COMT: variants seen among roughly 807,000 people sequenced by gnomAD.
COMT encodes catechol-O-methyltransferase.
COMT carries 13 observed loss-of-function variants against 18.9 expected under a neutral mutation model. The ratio of observed to expected loss-of-function variants is 0.69; its 90% confidence interval spans 0.45 to 1.09. The LOEUF (loss-of-function observed/expected upper bound fraction) is 1.09. COMT is among the 50% of genes least tolerant of loss of function. The pLI is 0.00. For synonymous variants in COMT, 150 were observed against 160.9 expected, an observed-to-expected ratio of 0.93 and a Z score of 0.51; for missense variants, 329 against 361.8, an observed-to-expected ratio of 0.91 and a Z score of 0.73.
chr22:19,942,065 T>G, intron 1 of COMT, 168 bp downstream of exon 1: 4 of 373,190 alleles, frequency 1.1e-5, no homozygotes, highest in East Asian at 9.4e-5. Flanking sequence ...GGATGGGAAC[T>G]GGGGAATTCG....
chr22:19,966,302 A>G (rs952515622), intron 5 of COMT, among the ~76,000 whole-genome samples: 2 of 152,006 alleles, frequency 1.3e-5, no homozygotes, highest in Non-Finnish European at 2.9e-5. Flanking sequence ...TGAGCATCGG[A>G]GGCACGAGGG....
At chr22:19,956,372 T>TA (rs1569129522) in intron 1 of COMT, among the ~76,000 whole-genome samples, 4 of 62,612 alleles carry the variant, frequency 6.4e-5, no homozygotes, top group Non-Finnish European at 1.4e-4. Flanking sequence ...TGAGCTCTCT[T>TA]TTTTTTTTTT....
Position 19,969,562 on chromosome 22 carries a change from G to A in COMT, c.*826G>A, listed in dbSNP as rs368317277. 2.0e-5 allele frequency: 3 copies of A among 152,586 alleles called. No individual in the cohort carries two copies. Among genetic ancestry groups the A allele is most frequent in the African/African-American group, 7.2e-5 (3 of 41,532 alleles). 9.5% of individuals were successfully genotyped at this position (152,586 alleles called of 1,614,324 possible). ...GGGTCAGACTGCTAGCCACCTCAGAGGCTCCAAGGGCCCAGTTCCCAGGCC... is the reference window on the plus strand; with the variant it reads ...GGGTCAGACTGCTAGCCACCTCAGAAGCTCCAAGGGCCCAGTTCCCAGGCC... On this transcript the variant is annotated 3_prime_UTR_variant, in exon 6 of 6. Coordinates refer to ENST00000361682, the MANE Select transcript of COMT (RefSeq NM_000754.4).
intron 3 of COMT, chr22:19,963,327 C>A: frequency 3.3e-6 from 2 of 605,152 alleles, no homozygotes; most frequent in East Asian, 2.8e-5. Context: ...AGCATAGAGG[C>A]TAAGGGACCA....
At position 19,964,157 on chromosome 22, in the gene COMT, C is replaced by T. The variant is rs752902717; in HGVS notation, c.484-11C>T. The T allele has an allele frequency of 2.5e-6, 4 of 1,614,042 alleles. No homozygotes were observed. The highest frequency in any genetic ancestry group is 2.2e-5 in the East Asian group (1 of 44,880). On this transcript the variant is annotated splice_polypyrimidine_tract_variant and intron_variant, in intron 4 of 5. Coordinates refer to ENST00000361682, the MANE Select transcript of COMT (RefSeq NM_000754.4). ...CTGTGAGGACGTGGGCACTGACAGG[C>T]GCTGTTCCAGGTCACCCTTGTGGTT...
At position 19,964,648 on chromosome 22, in the gene COMT, C is replaced by G. The variant is rs572487155; in HGVS notation, c.615+349C>G. 5.1e-6 allele frequency: 3 copies of G among 589,236 alleles called. No individual in the cohort carries two copies. The African/African-American group carries it at 5.6e-5, about 11-fold the overall frequency. The allele number at this position is 589,236 out of a possible 1,614,324, so 36.5% of individuals were successfully genotyped here. ...GGAGATGGGGTGGGGAAGGGCCGCT[C>G]TGGGCCCAGCCTGCTCTCCCCCAAG... On this transcript the variant is annotated intron_variant, in intron 5 of 5. Coordinates refer to ENST00000361682, the MANE Select transcript of COMT (RefSeq NM_000754.4).
intron 1 of COMT, among the ~76,000 whole-genome samples, chr22:19,952,196 A>G (rs769581416): frequency 1.7e-4 from 26 of 152,214 alleles, no homozygotes; most frequent in Non-Finnish European, 3.4e-4. Flanking sequence ...AGTCCCAGTT[A>G]CTCAGGAGGC....
chr22:19,968,697 G>A lies in COMT; in HGVS notation c.777G>A (p.Lys259=). ...EYREVVDGLE[K]AIYKGPGSEA... is the part of the protein sequence containing the mutation. ...GGGAGGTGGTGGACGGCCTGGAGAA[G>A]GCCATCTACAAGGGCCCAGGCAGCG... Residue 259 remains lysine (K), a synonymous_variant, in exon 6 of 6, where the codon AAG becomes AAA. Transcript: ENST00000361682. 1 of 1,613,586 alleles carries A rather than the reference G, an allele frequency of 6.2e-7. No homozygotes were observed. Among genetic ancestry groups the A allele is most frequent in the Non-Finnish European group, 8.5e-7 (1 of 1,179,994 alleles).
chr22:19,963,545 TC>T lies in COMT; in HGVS notation c.290-19del, dbSNP rs1380932174. 1 of 1,609,682 alleles carries T rather than the reference TC, an allele frequency of 6.2e-7. No homozygotes were observed. The highest frequency in any genetic ancestry group is 8.5e-7 in the Non-Finnish European group (1 of 1,179,850). On this transcript the variant is annotated intron_variant, in intron 3 of 5. Transcript: ENST00000361682. The stretch of plus-strand genomic sequence containing the variant: ...TCTCTCCACCTGTGCTCACCTCTCC[TC>T]CGTCCCCAACCCTGCACAGGCAAGA...
intron 1 of COMT, among the ~76,000 whole-genome samples, chr22:19,943,633 CT>C (rs1218183545): frequency 6.7e-6 from 1 of 148,814 alleles, no homozygotes. Flanking sequence ...CAGAGAGCCC[CT>C]ATCTTTAAAA....
chr22:19,961,554 C>T (rs1942192921), intron 2 of COMT: 1 of 152,352 alleles, frequency 6.6e-6, no homozygotes, highest in Non-Finnish European at 1.5e-5. Context: ...GCCTCCTTGC[C>T]TGGGTGTGCC....
At chr22:19,959,676 C>T (rs1942147616) in intron 1 of COMT, among the ~76,000 whole-genome samples, 1 of 152,064 alleles carries the variant, frequency 6.6e-6, no homozygotes, top group Admixed American at 6.5e-5. Context: ...AATCCCAGCG[C>T]TCTTCTCCTC....
In COMT at chr22:19,968,884, T is replaced by C. The variant is rs1942587197; in HGVS notation, c.*148T>C. 5.2e-5 allele frequency: 36 copies of C among 696,444 alleles called. No individual in the cohort carries two copies. In the South Asian group the frequency reaches 5.5e-4, roughly 11 times the overall value. 43.1% of individuals were successfully genotyped at this position (696,444 alleles called of 1,614,324 possible). ...AGGCCTGCGCCCTGACATGCTAACC[T>C]CTCTGAACTGCAACACTGGATTGTT... On this transcript the variant is annotated 3_prime_UTR_variant, in exon 6 of 6. Coordinates refer to ENST00000361682, the MANE Select transcript of COMT (RefSeq NM_000754.4).
chr22:19,966,450 AAAAAAG>A (rs1251279941), intron 5 of COMT, among the ~76,000 whole-genome samples: 1 of 151,390 alleles, frequency 6.6e-6, no homozygotes, highest in Non-Finnish European at 1.5e-5. Context: ...AAAAAAAAAA[AAAAAAG>A]AAAAAGACAG....
intron 3 of COMT, among the ~76,000 whole-genome samples, chr22:19,963,118 A>ACAGGT (rs1251884235): frequency 2.0e-5 from 3 of 151,866 alleles, no homozygotes; most frequent in Non-Finnish European, 4.4e-5. Flanking sequence ...GACCAGTCAG[A>ACAGGT]CAGGTTCTCC....
chr22:19,957,504 ACT>A (rs1310539637), intron 1 of COMT, among the ~76,000 whole-genome samples: 3 of 152,292 alleles, frequency 2.0e-5, no homozygotes, highest in East Asian at 1.9e-4. Context: ...GAGGTGATGG[ACT>A]CTCTAGCTCT....
At chr22:19,953,942 C>A (rs1942003180) in intron 1 of COMT, among the ~76,000 whole-genome samples, 1 of 152,188 alleles carries the variant, frequency 6.6e-6, no homozygotes, top group Non-Finnish European at 1.5e-5. Flanking sequence ...TGTGCGACCA[C>A]CATGCAGGTC....
chr22:19,947,888 A>T (rs966554216), intron 1 of COMT, among the ~76,000 whole-genome samples: 4 of 151,606 alleles, frequency 2.6e-5, no homozygotes, highest in African/African-American at 9.7e-5. Flanking sequence ...GCTAAGTAAC[A>T]GGCGTCTTCC....
At chr22:19,957,653 C>T (rs1942093347) in intron 1 of COMT, among the ~76,000 whole-genome samples, 1 of 152,228 alleles carries the variant, frequency 6.6e-6, no homozygotes, top group Non-Finnish European at 1.5e-5. Flanking sequence ...GATGCCCTCA[C>T]ACGTGCATCT....
Sources: gnomAD v4.1 joint callset for allele counts (sites outside exome capture counted in the v4.1 genomes callset) on GRCh38, gnomAD v4.1.1 for gene constraint, MANE v1.5 for transcripts, NCBI Gene and HGNC (gene_info 2026-07-23, HGNC 2026-07-21) for gene names.